The following CEP20 variants were observed in gnomAD, a reference collection of about 807,000 sequenced individuals.
The protein encoded by CEP20 is FGFR1OP N-terminal like.
Under a neutral mutation model 20.0 loss-of-function variants are expected in CEP20, and 18 were observed. That is an observed-to-expected ratio of 0.90 (90% CI 0.62 to 1.34). CEP20 has a LOEUF of 1.34. Among genes scored for constraint, CEP20 ranks in the 40% most tolerant of loss-of-function variants. CEP20 has a pLI of 0.00. For missense variants in CEP20, 215 were observed against 201.6 expected (o/e 1.07, Z -0.40); for synonymous variants, 77 against 73.7 (o/e 1.04, Z -0.23).
At chr16:15,888,105 A>G (rs2045289842) in intron 1 of CEP20, among the ~76,000 whole-genome samples, 1 of 145,018 alleles carries the variant, frequency 6.9e-6, no homozygotes, top group African/African-American at 2.5e-5. Flanking sequence ...CAAGGAGGGG[A>G]GGGCTACTTA....
intron 4 of CEP20, among the ~76,000 whole-genome samples, chr16:15,872,153 A>C (rs2044836227): frequency 6.6e-6 from 1 of 152,108 alleles, no homozygotes. Flanking sequence ...TCTCCACTAA[A>C]GATACAAAAA....
rs761558979 is a variant in CEP20, at chr16:15,867,439, A to AT, written c.525dup. On this transcript the variant is annotated 3_prime_UTR_variant, in exon 5 of 5. Transcript: ENST00000255759. ...AGACAAAAGATACCCCAAACAAAGCATTATCTGTTGACTGCCTGAGAAACA... is the reference window on the plus strand; with the variant it reads ...AGACAAAAGATACCCCAAACAAAGCATTTATCTGTTGACTGCCTGAGAAACA... 1.0e-5 allele frequency: 16 copies of AT among 1,588,826 alleles called. No homozygotes were observed. The Admixed American group carries it at 2.8e-4, about 28-fold the overall frequency.
intron 3 of CEP20, among the ~76,000 whole-genome samples, chr16:15,876,278 C>A (rs1325606115): frequency 2.0e-5 from 3 of 151,244 alleles, no homozygotes; most frequent in Non-Finnish European, 4.4e-5. Flanking sequence ...GAGATCGAGA[C>A]CATCCTGGCT....
intron 4 of CEP20, 72 bp downstream of exon 4, chr16:15,873,419 T>G (rs2044868192): frequency 1.3e-6 from 2 of 1,548,626 alleles, no homozygotes; most frequent in South Asian, 1.2e-5. Context: ...CAGTAAAGAC[T>G]CCAAAAGAAA....
At chr16:15,868,444 T>TA (rs2044738844) in intron 4 of CEP20, among the ~76,000 whole-genome samples, 1 of 151,886 alleles carries the variant, frequency 6.6e-6, no homozygotes. Flanking sequence ...AAAAAGAACC[T>TA]AGAGACTTAA....
intron 3 of CEP20, among the ~76,000 whole-genome samples, chr16:15,879,266 G>GTTTTT (rs746235508): frequency 2.6e-5 from 4 of 151,886 alleles, no homozygotes; most frequent in Admixed American, 1.3e-4. Flanking sequence ...TTTTGTTTTT[G>GTTTTT]TTTTTGTTTT....
At chr16:15,873,913 C>G (rs2044882610) in intron 3 of CEP20, among the ~76,000 whole-genome samples, 1 of 149,038 alleles carries the variant, frequency 6.7e-6, no homozygotes, top group African/African-American at 2.5e-5. Flanking sequence ...ACAGGAATCT[C>G]TTTTAAACTC....
intron 1 of CEP20, 116 bp downstream of exon 1, chr16:15,888,442 G>C: frequency 1.5e-6 from 2 of 1,377,460 alleles, no homozygotes; most frequent in Non-Finnish European, 2.0e-6. Context: ...TCACACCGAA[G>C]AATGACGCCT....
intron 1 of CEP20, among the ~76,000 whole-genome samples, chr16:15,885,235 G>A (rs1275423244): frequency 1.3e-5 from 2 of 151,770 alleles, no homozygotes; most frequent in African/African-American, 2.4e-5. Flanking sequence ...TTGAACCTGG[G>A]AGGTGGAGGG....
chr16:15,873,957 C>G (rs1197072023), intron 3 of CEP20, among the ~76,000 whole-genome samples: 1 of 152,130 alleles, frequency 6.6e-6, no homozygotes, highest in African/African-American at 2.4e-5. Context: ...AATACCTAAC[C>G]CCATCTAATA....
In CEP20 at chr16:15,879,861, T is replaced by C. The variant is rs200591412; in HGVS notation, c.254A>G (p.Asp85Gly). 2.8e-5 allele frequency: 44 copies of C among 1,569,814 alleles called. No individual in the cohort carries two copies. Among genetic ancestry groups the C allele is most frequent in the Admixed American group, 4.2e-5 (2 of 47,384 alleles). Residue 85 changes from aspartate to glycine, a missense_variant, in exon 3 of 5, where the codon GAC becomes GGC. By Grantham distance (94) the Asp-to-Gly change is moderately conservative. Transcript: ENST00000255759. ...TAGTTCATGGATGAGAAACTGTCTG[T>C]CCAACGGAACTACAGGTTGACCAGA... ...AESGQPVVPL[D>G]RQFLIHELNA...
intron 4 of CEP20, among the ~76,000 whole-genome samples, chr16:15,867,973 CAAAAAAAAAAAAA>C (rs34250443): frequency 1.4e-5 from 1 of 69,644 alleles, no homozygotes; most frequent in Admixed American, 1.7e-4. Flanking sequence ...AACTCGGTCT[CAAAAAAAAAAAAA>C]AAAAAAAGAA....
chr16:15,875,364 T>C (rs774698316), intron 3 of CEP20, among the ~76,000 whole-genome samples: 2 of 152,226 alleles, frequency 1.3e-5, no homozygotes, highest in Non-Finnish European at 2.9e-5. Flanking sequence ...GTACTTGTGA[T>C]TAAAATTTTG....
intron 2 of CEP20, among the ~76,000 whole-genome samples, chr16:15,880,255 G>A (rs971053985): frequency 6.6e-6 from 1 of 152,146 alleles, no homozygotes; most frequent in Admixed American, 6.5e-5. Context: ...AAGTTAACCT[G>A]AAGTGTGGGG....
At chr16:15,883,317 C>T (rs1414711073) in intron 2 of CEP20, among the ~76,000 whole-genome samples, 2 of 152,052 alleles carry the variant, frequency 1.3e-5, no homozygotes, top group Non-Finnish European at 1.5e-5. Context: ...AAGCCATGAT[C>T]GCACCACTGC....
chr16:15,883,697 A>G (rs7202057), intron 2 of CEP20, among the ~76,000 whole-genome samples: 10,535 of 152,214 alleles, frequency 0.069, 487 homozygotes, highest in East Asian at 0.22. Flanking sequence ...TAATCAGCGT[A>G]TATTTTTAAA....
intron 1 of CEP20, among the ~76,000 whole-genome samples, chr16:15,887,478 G>A (rs1477959284): frequency 1.3e-5 from 2 of 152,156 alleles, no homozygotes; most frequent in African/African-American, 2.4e-5. Context: ...AAGACCTGGC[G>A]CTCCAGTGCG....
chr16:15,888,289 T>G (rs973661031), intron 1 of CEP20, among the ~76,000 whole-genome samples: 1 of 152,112 alleles, frequency 6.6e-6, no homozygotes, highest in Non-Finnish European at 1.5e-5. Context: ...GATGCAGGCC[T>G]GTAGGCCTCT....
chr16:15,867,428 C>G lies in CEP20; in HGVS notation c.*12G>C. 6.4e-7 allele frequency: 1 copy of G among 1,563,162 alleles called. No individual in the cohort carries two copies. Among genetic ancestry groups the G allele is most frequent in the Non-Finnish European group, 8.7e-7 (1 of 1,151,134 alleles). On this transcript the variant is annotated 3_prime_UTR_variant, in exon 5 of 5. Transcript: ENST00000255759. ...ATACAATTTTAAGACAAAAGATACC[C>G]CAAACAAAGCATTATCTGTTGACTG... is the stretch of plus-strand genomic sequence containing the variant.
Sources: allele counts gnomAD v4.1 joint callset (sites outside exome capture counted in the v4.1 genomes callset), GRCh38; gene constraint gnomAD v4.1.1; transcripts MANE v1.5; gene names NCBI Gene and HGNC (gene_info 2026-07-23, HGNC 2026-07-21).